Variants in GABRB3 observed in about 807,000 individuals in gnomAD.
The protein encoded by GABRB3 is gamma-aminobutyric acid receptor subunit beta-3.
Under a neutral mutation model 52.1 loss-of-function variants are expected in GABRB3, and 14 were observed. That is an observed-to-expected ratio of 0.27 (90% CI 0.18 to 0.42). GABRB3 has a LOEUF of 0.42. Among genes scored for constraint, GABRB3 ranks in the 10% least tolerant of loss-of-function variants. GABRB3 has a pLI of 1.00. For synonymous variants in GABRB3, 260 were observed against 232.3 expected (o/e 1.12, Z -1.08); for missense variants, 307 against 609.1 (o/e 0.50, Z 5.22).
chr15:26,714,214 G>A (rs1889395283), intron 3 of GABRB3, among the ~76,000 whole-genome samples: 1 of 152,196 alleles, frequency 6.6e-6, no homozygotes, highest in Admixed American at 6.5e-5. Flanking sequence ...CTGCATTGGG[G>A]TCGGTGTGAG....
At chr15:26,584,647 C>A (rs1291644451) in intron 4 of GABRB3, among the ~76,000 whole-genome samples, 2 of 152,332 alleles carry the variant, frequency 1.3e-5, no homozygotes, top group African/African-American at 4.8e-5. Flanking sequence ...GTTAAGCCAA[C>A]CCTACACTGA....
intron 3 of GABRB3, among the ~76,000 whole-genome samples, chr15:26,762,559 C>T (rs1358042272): frequency 2.0e-5 from 3 of 152,142 alleles, no homozygotes; most frequent in African/African-American, 7.2e-5. Context: ...ATCTGGAAAA[C>T]GTTGAATTCT....
chr15:26,670,830 G>A (rs961398070), intron 3 of GABRB3, among the ~76,000 whole-genome samples: 1 of 152,182 alleles, frequency 6.6e-6, no homozygotes, highest in African/African-American at 2.4e-5. Flanking sequence ...CTTTTCCAAA[G>A]ACCATTCATA....
At chr15:26,578,931 G>A (rs1235416454) in intron 6 of GABRB3, among the ~76,000 whole-genome samples, 1 of 152,206 alleles carries the variant, frequency 6.6e-6, no homozygotes, top group African/African-American at 2.4e-5. Context: ...TCTCCCTGAG[G>A]TAAACCTCTC....
At chr15:26,563,628 C>T (rs1421076960) in intron 7 of GABRB3, among the ~76,000 whole-genome samples, 1 of 152,148 alleles carries the variant, frequency 6.6e-6, no homozygotes, top group Non-Finnish European at 1.5e-5. Flanking sequence ...TAAATAGTAA[C>T]CGGCACTGTT....
intron 7 of GABRB3, among the ~76,000 whole-genome samples, chr15:26,566,164 C>T (rs1890164867): frequency 6.6e-6 from 1 of 152,008 alleles, no homozygotes; most frequent in Non-Finnish European, 1.5e-5. Context: ...CTTATGATAC[C>T]TATTAGAAAT....
intron 3 of GABRB3, among the ~76,000 whole-genome samples, chr15:26,649,713 GGAGA>G (rs1176030382): frequency 7.5e-6 from 1 of 133,610 alleles, no homozygotes; most frequent in Non-Finnish European, 1.6e-5. Flanking sequence ...GAGAGGACAG[GGAGA>G]GAGAGAGAAG....
At chr15:26,580,492 C>A in intron 5 of GABRB3, 36 bp from the exon 6 acceptor site, 2 of 1,613,756 alleles carry the variant, frequency 1.2e-6, no homozygotes, top group Non-Finnish European at 1.7e-6. Context: ...GCAAACATCA[C>A]CATTTCGTAT....
chr15:26,657,406 C>T (rs1645193293), intron 3 of GABRB3: 1 of 152,216 alleles, frequency 6.6e-6, no homozygotes, highest in African/African-American at 2.4e-5. Context: ...AACATTAACA[C>T]ATGAATACTC....
At chr15:26,694,642 T>A (rs1449817586) in intron 3 of GABRB3, among the ~76,000 whole-genome samples, 1 of 152,224 alleles carries the variant, frequency 6.6e-6, no homozygotes, top group Non-Finnish European at 1.5e-5. Context: ...ATGCATCATG[T>A]CTGGTTTTCA....
chr15:26,679,702 G>T (rs1222697325), intron 3 of GABRB3, among the ~76,000 whole-genome samples: 2 of 151,952 alleles, frequency 1.3e-5, no homozygotes, highest in African/African-American at 4.8e-5. Flanking sequence ...ACTGCTTCCA[G>T]AAAGCTTCCG....
chr15:26,586,647 C>T (rs1890999511), intron 4 of GABRB3, among the ~76,000 whole-genome samples: 1 of 137,398 alleles, frequency 7.3e-6, no homozygotes, highest in Non-Finnish European at 1.5e-5. Flanking sequence ...GGGGCCACTG[C>T]ACTCCAGCCT....
intron 3 of GABRB3, among the ~76,000 whole-genome samples, chr15:26,746,420 G>A (rs536591004): frequency 6.6e-6 from 1 of 152,242 alleles, no homozygotes; most frequent in East Asian, 1.9e-4. Flanking sequence ...GTCTTTTGCA[G>A]AACAAATGTT....
In GABRB3 at chr15:26,557,238, C is replaced by T. The variant is rs112131920; in HGVS notation, c.1080+3694G>A. Among the ~76,000 whole-genome samples the T allele has an allele frequency of 2.7e-4, 41 of 151,822 alleles. 1 individual carries two copies. Among genetic ancestry groups the T allele is most frequent in the African/African-American group, 8.9e-4 (37 of 41,374 alleles). ...GAGCTAAACACTGAGTATGAATGGA[C>T]GAAAAAAAGGAAACAGCAGACACCA... On this transcript the variant is annotated intron_variant, in intron 8 of 8. Transcript: ENST00000311550.
chr15:26,678,795 G>A (rs1179870899), intron 3 of GABRB3, among the ~76,000 whole-genome samples: 1 of 152,152 alleles, frequency 6.6e-6, no homozygotes, highest in African/African-American at 2.4e-5. Flanking sequence ...GAGCAAAAAG[G>A]CAATTGGGGG....
intron 3 of GABRB3, among the ~76,000 whole-genome samples, chr15:26,673,951 C>T (rs753845831): frequency 3.6e-4 from 55 of 152,268 alleles, no homozygotes; most frequent in African/African-American, 8.2e-4. Flanking sequence ...AAGATATATA[C>T]GCCTAACATT....
At chr15:26,611,538 A>T (rs991208813) in intron 4 of GABRB3, among the ~76,000 whole-genome samples, 1 of 152,158 alleles carries the variant, frequency 6.6e-6, no homozygotes, top group Non-Finnish European at 1.5e-5. Context: ...TTCAGATTTG[A>T]TCTCAAAGTT....
At chr15:26,561,204 C>A (rs1889972189) in intron 7 of GABRB3, 28 bp from the exon 8 acceptor site, 1 of 1,612,086 alleles carries the variant, frequency 6.2e-7, no homozygotes, top group Non-Finnish European at 8.5e-7. Flanking sequence ...TGGTGAGAGG[C>A]TGAAACTTTG....
At chr15:26,642,449 T>C in intron 3 of GABRB3, 1 of 1,286,644 alleles carries the variant, frequency 7.8e-7, no homozygotes, top group Non-Finnish European at 1.0e-6. Flanking sequence ...AATTCCAAAC[T>C]CCTGGAAAGG....
Sources: gnomAD v4.1 joint callset for allele counts (sites outside exome capture counted in the v4.1 genomes callset) on GRCh38, gnomAD v4.1.1 for gene constraint, MANE v1.5 for transcripts, NCBI Gene and HGNC (gene_info 2026-07-23, HGNC 2026-07-21) for gene names.